The following LUZP2 variants were observed in gnomAD, a reference collection of about 807,000 sequenced individuals.
The protein encoded by LUZP2 is leucine zipper protein 2.
A neutral mutation model predicts 51.6 loss-of-function variants in LUZP2; 52 were observed. The observed-to-expected ratio is 1.01, with a 90% CI of 0.81 to 1.27. The LOEUF (loss-of-function observed/expected upper bound fraction) is 1.27. LUZP2 is among the 50% of genes most tolerant of loss of function. The pLI is 0.00. For synonymous variants in LUZP2, 154 were observed against 137.3 expected, an observed-to-expected ratio of 1.12 and a Z score of -0.85; for missense variants, 436 against 395.4, an observed-to-expected ratio of 1.10 and a Z score of -0.87.
At chr11:24,646,227 T>C (rs891304442) in intron 1 of LUZP2, among the ~76,000 whole-genome samples, 15 of 152,196 alleles carry the variant, frequency 9.9e-5, no homozygotes, top group African/African-American at 3.6e-4. Flanking sequence ...AGTGTGCGTG[T>C]AAAAATGAGA....
chr11:24,799,041 G>T (rs963307391), intron 5 of LUZP2, among the ~76,000 whole-genome samples: 1 of 152,218 alleles, frequency 6.6e-6, no homozygotes, highest in African/African-American at 2.4e-5. Context: ...TCACTGTAGA[G>T]AAAGCTGTTT....
chr11:24,679,732 G>A (rs545957773), intron 1 of LUZP2, among the ~76,000 whole-genome samples: 1 of 152,176 alleles, frequency 6.6e-6, no homozygotes, highest in South Asian at 2.1e-4. Flanking sequence ...CGAAATATAG[G>A]TTTCTCTCCA....
chr11:24,913,962 T>A (rs1017758892), intron 6 of LUZP2, among the ~76,000 whole-genome samples: 2 of 152,122 alleles, frequency 1.3e-5, no homozygotes, highest in African/African-American at 2.4e-5. Flanking sequence ...ATGGCCCTCT[T>A]AAAAAATGTA....
intron 9 of LUZP2, among the ~76,000 whole-genome samples, chr11:25,026,157 G>C (rs998921307): frequency 7.2e-6 from 1 of 138,274 alleles, no homozygotes; most frequent in South Asian, 2.7e-4. Flanking sequence ...TAGGGGGAGG[G>C]GGGAGGGATA....
At chr11:24,809,985 C>T (rs1021337944) in intron 5 of LUZP2, among the ~76,000 whole-genome samples, 2 of 152,080 alleles carry the variant, frequency 1.3e-5, no homozygotes, top group African/African-American at 4.8e-5. Context: ...ATAGTGAAGT[C>T]CAGAGGTGTG....
intron 7 of LUZP2, among the ~76,000 whole-genome samples, chr11:24,926,449 G>GTGTGTGTATATATATACGTGTATATATA (rs1854263880): frequency 7.0e-6 from 1 of 141,916 alleles, no homozygotes; most frequent in Non-Finnish European, 1.5e-5. Context: ...GTGTATATAT[G>GTGTGTGTATATATATACGTGTATATATA]TGTGTGTATA....
intron 9 of LUZP2, among the ~76,000 whole-genome samples, chr11:24,984,048 A>G (rs1036607793): frequency 6.6e-6 from 1 of 151,682 alleles, no homozygotes; most frequent in African/African-American, 2.4e-5. Flanking sequence ...AGAGCCAGAA[A>G]TAATCTTTGG....
At chr11:24,987,348 C>T (rs1900211) in intron 9 of LUZP2, among the ~76,000 whole-genome samples, 122 of 151,700 alleles carry the variant, frequency 8.0e-4, no homozygotes, top group African/African-American at 2.8e-3. Flanking sequence ...ATAGCAGAAT[C>T]CTTACAATCC....
chr11:25,074,936 TGACAG>T (rs1859257991), intron 10 of LUZP2, among the ~76,000 whole-genome samples: 1 of 152,158 alleles, frequency 6.6e-6, no homozygotes, highest in Non-Finnish European at 1.5e-5. Flanking sequence ...TAAACTTAAA[TGACAG>T]GAACTCCACT....
chr11:24,667,212 C>A (rs1856245287), intron 1 of LUZP2, among the ~76,000 whole-genome samples: 2 of 133,354 alleles, frequency 1.5e-5, no homozygotes, highest in Admixed American at 8.1e-5. Flanking sequence ...GAGACGGAGT[C>A]TCACTATGTC....
chr11:24,716,499 A>G (rs987429), intron 1 of LUZP2, among the ~76,000 whole-genome samples: 151,413 of 152,294 alleles, frequency 0.99, 75,277 homozygotes, highest in South Asian at 1. Context: ...AAAAGAGTCA[A>G]GAAGGGTTCC....
chr11:24,573,753 G>A (rs1392867674), intron 1 of LUZP2, among the ~76,000 whole-genome samples: 1 of 147,078 alleles, frequency 6.8e-6, no homozygotes, highest in African/African-American at 2.4e-5. Context: ...ATATTCCCAA[G>A]GATACATATT....
intron 1 of LUZP2, among the ~76,000 whole-genome samples, chr11:24,522,266 G>A (rs1850664005): frequency 6.6e-6 from 1 of 151,900 alleles, no homozygotes; most frequent in African/African-American, 2.4e-5. Flanking sequence ...GGCATAAATA[G>A]TCACATAATT....
intron 9 of LUZP2, among the ~76,000 whole-genome samples, chr11:24,989,826 A>G (rs1156408695): frequency 6.6e-6 from 1 of 152,160 alleles, no homozygotes; most frequent in Non-Finnish European, 1.5e-5. Flanking sequence ...TCCAACTAAT[A>G]GAAAACAAGA....
intron 1 of LUZP2, among the ~76,000 whole-genome samples, chr11:24,619,798 G>A (rs897629781): frequency 6.6e-6 from 1 of 151,752 alleles, no homozygotes; most frequent in African/African-American, 2.4e-5. Context: ...CATTGTTTAG[G>A]GAATAATAAT....
At chr11:24,854,066 G>A (rs1249683247) in intron 5 of LUZP2, among the ~76,000 whole-genome samples, 1 of 152,168 alleles carries the variant, frequency 6.6e-6, no homozygotes, top group African/African-American at 2.4e-5. Flanking sequence ...ACCCCTGCTG[G>A]GAGATGTCTC....
At chr11:24,793,705 G>A (rs1849468698) in intron 5 of LUZP2, among the ~76,000 whole-genome samples, 1 of 152,050 alleles carries the variant, frequency 6.6e-6, no homozygotes, top group African/African-American at 2.4e-5. Flanking sequence ...AGAAATATAA[G>A]ACAGTCAATG....
At chr11:24,764,916 C>T (rs888016568) in intron 5 of LUZP2, among the ~76,000 whole-genome samples, 2 of 152,082 alleles carry the variant, frequency 1.3e-5, no homozygotes, top group Non-Finnish European at 2.9e-5. Flanking sequence ...AGTGAAATTG[C>T]ACTTTGATAA....
intron 5 of LUZP2, among the ~76,000 whole-genome samples, chr11:24,770,557 T>G (rs1300789280): frequency 6.6e-6 from 1 of 152,212 alleles, no homozygotes; most frequent in Non-Finnish European, 1.5e-5. Flanking sequence ...ACTGATTTAA[T>G]GTCCTTTTAT....
Sources: gnomAD v4.1 joint callset for allele counts (sites outside exome capture counted in the v4.1 genomes callset) on GRCh38, gnomAD v4.1.1 for gene constraint, MANE v1.5 for transcripts, NCBI Gene and HGNC (gene_info 2026-07-23, HGNC 2026-07-21) for gene names.